SREK1IP1: variants seen among roughly 807,000 people sequenced by gnomAD.
SREK1IP1 encodes the protein SREK1 interacting protein 1.
A neutral mutation model predicts 22.8 loss-of-function variants in SREK1IP1; 12 were observed. That is an observed-to-expected ratio of 0.53 (90% CI 0.34 to 0.85). The LOEUF is 0.85. Ranked by LOEUF, SREK1IP1 falls within the 40% of genes least tolerant of loss-of-function variation. SREK1IP1 has a pLI of 0.02. For missense variants in SREK1IP1, 147 were observed against 171.8 expected, an observed-to-expected ratio of 0.86 and a Z score of 0.81; for synonymous variants, 53 against 52.7, an observed-to-expected ratio of 1.01 and a Z score of -0.02.
chr5:64,755,590 T>C (rs995775278), intron 1 of SREK1IP1, among the ~76,000 whole-genome samples: 8 of 152,108 alleles, frequency 5.3e-5, no homozygotes, highest in Non-Finnish European at 1.2e-4. Context: ...TGAAAAACTG[T>C]TGGGTACTAT....
intron 3 of SREK1IP1, among the ~76,000 whole-genome samples, chr5:64,734,536 T>TA (rs1742427098): frequency 6.6e-6 from 1 of 152,030 alleles, no homozygotes; most frequent in Non-Finnish European, 1.5e-5. Flanking sequence ...ACATTTCTTT[T>TA]AAAATTGAAA....
rs1050329493 is a variant in SREK1IP1, at chr5:64,718,984, C to A, written c.*5400G>T. 2.0e-5 allele frequency: 3 copies of A among 152,084 alleles called. No individual in the cohort carries two copies. The highest frequency in any genetic ancestry group is 4.4e-5 in the Non-Finnish European group (3 of 68,010). 9.4% of individuals were successfully genotyped at this position (152,084 alleles called of 1,614,324 possible). A position where few individuals can be genotyped will look rare whatever the true frequency, so the allele number is the denominator to read the frequency against. ...CTGGTCTGATATATAAAAAAGAATA[C>A]CTTATTTTTCTTGGGCATGCAAAGC... On this transcript the variant is annotated 3_prime_UTR_variant, in exon 5 of 5. Transcript: ENST00000513458.
intron 2 of SREK1IP1, among the ~76,000 whole-genome samples, chr5:64,751,966 T>A (rs16893111): frequency 0.034 from 5,110 of 152,174 alleles, 302 homozygotes; most frequent in African/African-American, 0.12. Flanking sequence ...TCTACTATAC[T>A]AATCTTTTAA....
At chr5:64,728,065 C>CAT in intron 4 of SREK1IP1, 42 bp downstream of exon 4, 1 of 1,280,338 alleles carries the variant, frequency 7.8e-7, no homozygotes, top group African/African-American at 1.6e-5. Flanking sequence ...ATCCTAAACT[C>CAT]ATAGGCCTGC....
intron 3 of SREK1IP1, among the ~76,000 whole-genome samples, chr5:64,731,297 T>G (rs573083984): frequency 6.6e-6 from 1 of 152,014 alleles, no homozygotes; most frequent in East Asian, 1.9e-4. Flanking sequence ...GAGGATCGCA[T>G]AAGACTCAGA....
Position 64,754,321 on chromosome 5 carries a change from C to T in SREK1IP1, c.55G>A (p.Gly19Ser). The change falls in exon 2 of 5, where the codon GGC becomes AGC. Residue 19 changes from glycine to serine, a missense_variant. Gly to Ser is a moderately conservative substitution (Grantham distance 56). This residue lies in a region of SREK1IP1 where 62 missense variants were observed against 73.3 expected (regional missense o/e 0.85). Transcript: ENST00000513458. ...DSVRAGCKKC[G>S]YPGHLTFECR... Reference sequence around the variant, plus strand: ...CATCTTTTAGAATACTTACGGTAGCCACATTTTTTACAGCCTGCTCTGACA... The same window carrying T: ...CATCTTTTAGAATACTTACGGTAGCTACATTTTTTACAGCCTGCTCTGACA... The T allele has an allele frequency of 6.2e-7, 1 of 1,613,842 alleles. No individual in the cohort carries two copies. Among genetic ancestry groups the T allele is most frequent in the Non-Finnish European group, 8.5e-7 (1 of 1,179,838 alleles).
intron 2 of SREK1IP1, among the ~76,000 whole-genome samples, chr5:64,750,051 T>G (rs534325277): frequency 3.9e-5 from 6 of 152,168 alleles, no homozygotes; most frequent in Admixed American, 1.3e-4. Context: ...TGAAATTTTT[T>G]GAATGTGGCT....
Position 64,724,169 on chromosome 5 carries a change from G to A in SREK1IP1, c.*215C>T. The A allele has an allele frequency of 2.4e-6, 1 of 410,148 alleles. No homozygotes were observed. The highest frequency in any genetic ancestry group is 6.1e-5 in the South Asian group (1 of 16,446). 25.4% of individuals were successfully genotyped at this position (410,148 alleles called of 1,614,324 possible). The stretch of plus-strand genomic sequence containing the variant: ...GTATACACAAATAGCTATACTTGGG[G>A]CATGGCTATCAAGTAACAAGACTGA... On this transcript the variant is annotated 3_prime_UTR_variant, in exon 5 of 5. Coordinates refer to ENST00000513458, the MANE Select transcript of SREK1IP1 (RefSeq NM_173829.4).
At chr5:64,756,007 T>C (rs1338960108) in intron 1 of SREK1IP1, among the ~76,000 whole-genome samples, 1 of 152,092 alleles carries the variant, frequency 6.6e-6, no homozygotes, top group Non-Finnish European at 1.5e-5. Context: ...CACTCAAATT[T>C]TGACAAGAGA....
intron 2 of SREK1IP1, among the ~76,000 whole-genome samples, chr5:64,750,806 T>C (rs569850406): frequency 1.2e-4 from 19 of 152,348 alleles, no homozygotes; most frequent in African/African-American, 3.6e-4. Flanking sequence ...TTGTCATACC[T>C]CTTAGAGGAA....
chr5:64,756,288 T>C (rs991530121), intron 1 of SREK1IP1, among the ~76,000 whole-genome samples: 6 of 152,194 alleles, frequency 3.9e-5, no homozygotes, highest in African/African-American at 1.2e-4. Flanking sequence ...TCATCCCAAA[T>C]ACTAACTGCA....
chr5:64,724,350 T>A lies in SREK1IP1; in HGVS notation c.*34A>T. 1 of 1,487,382 alleles carries A rather than the reference T, an allele frequency of 6.7e-7. No individual in the cohort carries two copies. Among genetic ancestry groups the A allele is most frequent in the Non-Finnish European group, 8.9e-7 (1 of 1,120,470 alleles). The allele number at this position is 1,487,382 out of a possible 1,614,324, so 92.1% of individuals were successfully genotyped here. On this transcript the variant is annotated 3_prime_UTR_variant, in exon 5 of 5. Coordinates refer to ENST00000513458, the MANE Select transcript of SREK1IP1 (RefSeq NM_173829.4). ...AGGGCAAACACGTTTTAAAAACAAA[T>A]TTTTAAATTTAACGGCTTAAGCCAA...
chr5:64,726,034 A>AT (rs1285787803), intron 4 of SREK1IP1, among the ~76,000 whole-genome samples: 11 of 150,032 alleles, frequency 7.3e-5, no homozygotes, highest in South Asian at 2.1e-4. Flanking sequence ...CCACCAGCTA[A>AT]TTTTTTTTGT....
intron 1 of SREK1IP1, among the ~76,000 whole-genome samples, chr5:64,760,276 A>C (rs143523899): frequency 2.6e-5 from 4 of 152,198 alleles, no homozygotes; most frequent in Non-Finnish European, 4.4e-5. Flanking sequence ...TCTGGGACAA[A>C]CACCACCACT....
intron 1 of SREK1IP1, among the ~76,000 whole-genome samples, chr5:64,758,580 C>T (rs1054990586): frequency 6.6e-6 from 1 of 152,066 alleles, no homozygotes; most frequent in African/African-American, 2.4e-5. Context: ...TTGGGGTCAG[C>T]GTTAAATCTG....
At chr5:64,747,191 T>C (rs1580549362) in intron 2 of SREK1IP1, among the ~76,000 whole-genome samples, 1 of 152,138 alleles carries the variant, frequency 6.6e-6, no homozygotes, top group African/African-American at 2.4e-5. Context: ...ATAGGCGTGA[T>C]TGATTCAATC....
chr5:64,734,821 G>A (rs947247707), intron 3 of SREK1IP1, among the ~76,000 whole-genome samples: 2 of 152,002 alleles, frequency 1.3e-5, no homozygotes, highest in Admixed American at 1.3e-4. Context: ...GAAAGATTCT[G>A]TAGATACTTC....
At chr5:64,756,992 T>C (rs115563846) in intron 1 of SREK1IP1, among the ~76,000 whole-genome samples, 9,589 of 152,282 alleles carry the variant, frequency 0.063, 976 homozygotes, top group African/African-American at 0.22. Flanking sequence ...TATTTAAATA[T>C]ATACAGTCCA....
chr5:64,767,469 C>T (rs1156788083), intron 1 of SREK1IP1, among the ~76,000 whole-genome samples: 3 of 152,156 alleles, frequency 2.0e-5, no homozygotes, highest in African/African-American at 7.2e-5. Context: ...TACATTTCCT[C>T]TCTCACAGCT....
Sources: allele counts gnomAD v4.1 joint callset (sites outside exome capture counted in the v4.1 genomes callset), GRCh38; gene constraint gnomAD v4.1.1; regional missense constraint gnomAD v4.1.1; transcripts MANE v1.5; gene names NCBI Gene and HGNC (gene_info 2026-07-23, HGNC 2026-07-21).